ABLIM3: variants seen among roughly 807,000 people sequenced by gnomAD.
The protein encoded by ABLIM3 is actin binding LIM protein family member 3.
In ABLIM3, 61 loss-of-function variants were observed where a neutral mutation model predicts 109.5. The observed-to-expected ratio is 0.56, with a 90% CI of 0.45 to 0.69. The LOEUF (loss-of-function observed/expected upper bound fraction) is 0.69, where lower values mean the gene tolerates loss of function less well. ABLIM3 is among the 30% of genes least tolerant of loss of function. The pLI is 0.00. For synonymous variants in ABLIM3, 300 were observed against 324.8 expected, an observed-to-expected ratio of 0.92 and a Z score of 0.82; for missense variants, 796 against 889.5, an observed-to-expected ratio of 0.89 and a Z score of 1.34.
At chr5:149,186,473 A>AAT (rs1756969944) in intron 3 of ABLIM3, among the ~76,000 whole-genome samples, 1 of 152,136 alleles carries the variant, frequency 6.6e-6, no homozygotes, top group Non-Finnish European at 1.5e-5. Context: ...TCCACCCTTT[A>AAT]CATGGATTCA....
At chr5:149,202,628 G>A (rs1210158971) in intron 5 of ABLIM3, among the ~76,000 whole-genome samples, 1 of 152,106 alleles carries the variant, frequency 6.6e-6, no homozygotes, top group African/African-American at 2.4e-5. Flanking sequence ...AATAATTGGG[G>A]TTTTTTAAGC....
chr5:149,251,253 C>G, intron 20 of ABLIM3, 106 bp from the exon 21 acceptor site: 1 of 1,229,188 alleles, frequency 8.1e-7, no homozygotes, highest in Non-Finnish European at 1.2e-6. Context: ...GCTGAGAAGG[C>G]CCTATGTCCC....
At chr5:149,255,321 C>T (rs768406387) in intron 23 of ABLIM3, among the ~76,000 whole-genome samples, 3 of 152,172 alleles carry the variant, frequency 2.0e-5, no homozygotes, top group East Asian at 1.9e-4. Context: ...GGGTACGGTT[C>T]GAGGTGCTTG....
At chr5:149,154,085 T>G (rs772151490) in intron 2 of ABLIM3, among the ~76,000 whole-genome samples, 3 of 152,224 alleles carry the variant, frequency 2.0e-5, no homozygotes, top group Admixed American at 6.5e-5. Context: ...TTTGCAATAG[T>G]CTAATGACAC....
intron 2 of ABLIM3, 44 bp downstream of exon 2, chr5:149,142,152 G>A (rs1335140866): frequency 1.3e-6 from 2 of 1,591,420 alleles, no homozygotes; most frequent in South Asian, 2.2e-5. Context: ...CAGGGGTGGG[G>A]GCGGGAGGTG....
intron 11 of ABLIM3, among the ~76,000 whole-genome samples, chr5:149,237,895 C>T (rs752412260): frequency 1.3e-5 from 2 of 152,194 alleles, no homozygotes; most frequent in Non-Finnish European, 2.9e-5. Context: ...AGTCCCCCGA[C>T]TCCCTGTTAA....
At chr5:149,159,858 T>A (rs1357741246) in intron 2 of ABLIM3, among the ~76,000 whole-genome samples, 1 of 152,230 alleles carries the variant, frequency 6.6e-6, no homozygotes, top group African/African-American at 2.4e-5. Flanking sequence ...AAACTCACCA[T>A]GTGCTTTCTA....
intron 5 of ABLIM3, among the ~76,000 whole-genome samples, chr5:149,203,187 CACT>C (rs1437011198): frequency 8.6e-5 from 13 of 151,898 alleles, no homozygotes; most frequent in Admixed American, 3.9e-4. Flanking sequence ...TCATCACCAC[CACT>C]ATCTTCACCA....
chr5:149,225,978 G>GTATA (rs1761191839), intron 8 of ABLIM3, among the ~76,000 whole-genome samples: 3 of 25,084 alleles, frequency 1.2e-4, no homozygotes, highest in Non-Finnish European at 2.1e-4. Flanking sequence ...GTGTGTGTGT[G>GTATA]TGTGTATATA....
chr5:149,230,885 G>A, intron 9 of ABLIM3, among the ~76,000 whole-genome samples, 178 bp downstream of exon 9: 1 of 152,140 alleles, frequency 6.6e-6, no homozygotes, highest in South Asian at 2.1e-4. Flanking sequence ...TTTTGAGGGG[G>A]TTAAGACATC....
rs767696094 is a variant in ABLIM3 at position 149,252,826 on chromosome 5, A to G, written c.1927A>G (p.Thr643Ala). The change falls in exon 23 of 24, where the codon ACC (threonine) becomes GCC (alanine). Residue 643 changes from threonine (T) to alanine (A), a missense_variant. By Grantham distance (58) the Thr-to-Ala change is moderately conservative (BLOSUM62 0). Transcript: ENST00000309868. ...RNRLPKDVDR[T>A]RLERHLSQEE... is the part of the protein sequence containing the mutation. ...CCGACTGCCCAAGGATGTAGACAGG[A>G]CCCGTTTAGAGGTAAGTCTAAAAAA... The G allele has an allele frequency of 6.2e-7, 1 of 1,612,922 alleles. No homozygotes were observed. The highest frequency in any genetic ancestry group is 1.3e-5 in the African/African-American group (1 of 74,842).
At position 149,259,502 on chromosome 5, in the gene ABLIM3, C is replaced by T. The variant is rs1042791834; in HGVS notation, c.*1098C>T. The T allele has an allele frequency of 5.9e-6, 9 of 1,536,034 alleles. No individual in the cohort carries two copies. In the Admixed American group the frequency reaches 5.9e-5, roughly 10 times the overall value. On this transcript the variant is annotated 3_prime_UTR_variant, in exon 24 of 24. Coordinates refer to ENST00000309868, the MANE Select transcript of ABLIM3 (RefSeq NM_014945.5). The stretch of plus-strand genomic sequence containing the variant: ...TGGCAGGGCAACCATACCATACCCC[C>T]GCCAGTCCTCGGCTCCTGCTGCAAA...
At chr5:149,213,838 A>G (rs977213817) in intron 7 of ABLIM3, among the ~76,000 whole-genome samples, 3 of 152,032 alleles carry the variant, frequency 2.0e-5, no homozygotes, top group African/African-American at 4.8e-5. Context: ...TAGAGCTGGA[A>G]GAGACTTTTA....
chr5:149,222,107 A>G (rs1292266609), intron 8 of ABLIM3, among the ~76,000 whole-genome samples: 1 of 151,084 alleles, frequency 6.6e-6, no homozygotes, highest in African/African-American at 2.4e-5. Flanking sequence ...TAATGATAAT[A>G]ATAAAAATAT....
At position 149,145,788 on chromosome 5, in the gene ABLIM3, A is replaced by G. The variant is rs902403123; in HGVS notation, c.13+3680A>G. Among the ~76,000 whole-genome samples, 4 of 130,038 alleles carry G rather than the reference A, an allele frequency of 3.1e-5. 1 individual carries two copies. The highest frequency in any genetic ancestry group is 1.9e-4 in the Admixed American group (2 of 10,330). 85.3% of individuals were successfully genotyped at this position (130,038 alleles called of 152,430 possible). On this transcript the variant is annotated intron_variant, in intron 2 of 23. Coordinates refer to ENST00000309868, the MANE Select transcript of ABLIM3 (RefSeq NM_014945.5). ...TTTTTCATATTTATTCGCCACGTGT[A>G]TGTCTTTTTTTTTTTGAGATAAGGT...
chr5:149,246,658 A>C (rs1376003408), intron 17 of ABLIM3, 112 bp downstream of exon 17: 1 of 1,190,960 alleles, frequency 8.4e-7, no homozygotes, highest in Non-Finnish European at 1.2e-6. Flanking sequence ...TAGAAAAAAG[A>C]AAAGCATAGC....
intron 2 of ABLIM3, among the ~76,000 whole-genome samples, chr5:149,151,420 A>G (rs527933275): frequency 2.0e-5 from 3 of 152,324 alleles, no homozygotes; most frequent in South Asian, 4.1e-4. Flanking sequence ...AATTCAATCC[A>G]TAATAGAGTG....
intron 3 of ABLIM3, among the ~76,000 whole-genome samples, chr5:149,195,466 C>T (rs991958363): frequency 6.6e-6 from 1 of 152,202 alleles, no homozygotes; most frequent in Non-Finnish European, 1.5e-5. Context: ...CCCTGAGAGG[C>T]TTATCAACCT....
intron 13 of ABLIM3, chr5:149,240,424 A>G (rs553283405): frequency 3.8e-4 from 211 of 556,078 alleles, no homozygotes; most frequent in Non-Finnish European, 6.2e-4. Context: ...GGAGCTCAGT[A>G]GAGTTGATCT....
Sources: gnomAD v4.1 joint callset for allele counts (sites outside exome capture counted in the v4.1 genomes callset) on GRCh38, gnomAD v4.1.1 for gene constraint, MANE v1.5 for transcripts, NCBI Gene and HGNC (gene_info 2026-07-23, HGNC 2026-07-21) for gene names.